Variants in CSMD1 observed in about 807,000 individuals in gnomAD.
CSMD1 encodes CUB and Sushi multiple domains 1, also known as CUB and sushi domain-containing protein 1.
A neutral mutation model predicts 417.5 loss-of-function variants in CSMD1; 213 were observed. The observed-to-expected ratio is 0.51, with a 90% CI of 0.46 to 0.57. The LOEUF (loss-of-function observed/expected upper bound fraction) is 0.57, where lower values mean the gene tolerates loss of function less well. Ranked by LOEUF, CSMD1 falls within the 20% of genes least tolerant of loss-of-function variation. The pLI is 0.00. For missense variants in CSMD1, 6,923 were observed against 4,529.7 expected (o/e 1.53, Z -15.17); for synonymous variants, 2,862 against 1,736.8 (o/e 1.65, Z -16.11).
At chr8:4,169,646 C>A (rs757905167) in intron 3 of CSMD1, among the ~76,000 whole-genome samples, 1 of 152,140 alleles carries the variant, frequency 6.6e-6, no homozygotes, top group Non-Finnish European at 1.5e-5. Context: ...GCTGCAGGGA[C>A]GCCATGAGAG....
At chr8:4,397,800 A>G (rs1324524445) in intron 3 of CSMD1, among the ~76,000 whole-genome samples, 1 of 152,104 alleles carries the variant, frequency 6.6e-6, no homozygotes, top group South Asian at 2.1e-4. Flanking sequence ...TCAATATTAC[A>G]TGCTAATTAT....
At chr8:4,427,203 C>T (rs978976798) in intron 2 of CSMD1, among the ~76,000 whole-genome samples, 4 of 152,114 alleles carry the variant, frequency 2.6e-5, no homozygotes, top group African/African-American at 4.8e-5. Flanking sequence ...GACCATCTAA[C>T]GATTCCTGAG....
intron 4 of CSMD1, among the ~76,000 whole-genome samples, chr8:4,030,427 G>A (rs34941583): frequency 0.12 from 19,016 of 152,232 alleles, 1,480 homozygotes; most frequent in South Asian, 0.23. Flanking sequence ...AGCTGCCAAG[G>A]CTTGAGGCTT....
At chr8:4,320,686 C>A (rs926319090) in intron 3 of CSMD1, among the ~76,000 whole-genome samples, 1 of 152,168 alleles carries the variant, frequency 6.6e-6, no homozygotes, top group South Asian at 2.1e-4. Context: ...AGGACATGAA[C>A]TCATCCTTTT....
chr8:2,944,284 A>T (rs1417041810), intron 68 of CSMD1, among the ~76,000 whole-genome samples: 1 of 152,192 alleles, frequency 6.6e-6, no homozygotes, highest in Non-Finnish European at 1.5e-5. Context: ...GATGGTTTAA[A>T]ATTTGTTCCA....
At chr8:3,562,442 A>ATACACACATGCACACACACGTGCACC (rs1799511811) in intron 10 of CSMD1, among the ~76,000 whole-genome samples, 1 of 51,544 alleles carries the variant, frequency 1.9e-5, no homozygotes, top group African/African-American at 4.5e-5. Context: ...ACACGTGCAC[A>ATACACACATGCACACACACGTGCACC]TACACATACT....
At chr8:4,700,299 G>C (rs1040494244) in intron 1 of CSMD1, among the ~76,000 whole-genome samples, 2 of 151,858 alleles carry the variant, frequency 1.3e-5, no homozygotes, top group South Asian at 4.2e-4. Context: ...ATAAACCAAC[G>C]TGAATGTTTT....
At chr8:3,280,644 A>G (rs1802662510) in intron 26 of CSMD1, among the ~76,000 whole-genome samples, 1 of 152,216 alleles carries the variant, frequency 6.6e-6, no homozygotes, top group Non-Finnish European at 1.5e-5. Context: ...TGAAATTGTC[A>G]ACATTCAATC....
chr8:4,591,188 G>A (rs538171599), intron 2 of CSMD1, among the ~76,000 whole-genome samples: 4 of 152,252 alleles, frequency 2.6e-5, no homozygotes, highest in South Asian at 4.1e-4. Context: ...ATATTATTAG[G>A]TATTGGCTGA....
At chr8:3,304,634 C>T (rs564384546) in intron 25 of CSMD1, among the ~76,000 whole-genome samples, 2 of 152,052 alleles carry the variant, frequency 1.3e-5, no homozygotes, top group Admixed American at 6.6e-5. Flanking sequence ...TAGTGTGTAC[C>T]TCATATTGAA....
chr8:3,786,655 T>A (rs900983960), intron 5 of CSMD1, among the ~76,000 whole-genome samples: 1 of 152,142 alleles, frequency 6.6e-6, no homozygotes, highest in Non-Finnish European at 1.5e-5. Flanking sequence ...CGAGATGCTA[T>A]GATAAAATAC....
chr8:4,723,764 T>C (rs1271556680), intron 1 of CSMD1, among the ~76,000 whole-genome samples: 2 of 123,962 alleles, frequency 1.6e-5, no homozygotes, highest in Non-Finnish European at 3.3e-5. Flanking sequence ...ATCTAAAATG[T>C]AAATGCAATA....
chr8:3,324,024 G>A (rs923252598), intron 23 of CSMD1, among the ~76,000 whole-genome samples: 2 of 148,858 alleles, frequency 1.3e-5, no homozygotes, highest in East Asian at 2.0e-4. Flanking sequence ...CCCAGGAGGG[G>A]GAGTTTCCTT....
intron 10 of CSMD1, among the ~76,000 whole-genome samples, chr8:3,546,314 T>A (rs1303889506): frequency 6.6e-6 from 1 of 151,824 alleles, no homozygotes; most frequent in Admixed American, 6.6e-5. Context: ...GGTGGGGGGA[T>A]CATGAGGTCA....
rs115004024 is a variant in CSMD1 at position 4,011,158 on chromosome 8, T to C, written c.611-13048A>G. On this transcript the variant is annotated intron_variant, in intron 4 of 69. Transcript: ENST00000635120. ...AACCTTCAATTTTGATGCCTACTTA[T>C]AAAATATCTTTCCTGCAAATATTTC... 1.4e-3 allele frequency among the ~76,000 whole-genome samples: 213 copies of C among 152,324 alleles called. 1 individual carries two copies. Among genetic ancestry groups the C allele is most frequent in the African/African-American group, 4.5e-3 (187 of 41,544 alleles).
intron 5 of CSMD1, among the ~76,000 whole-genome samples, chr8:3,915,754 C>A (rs114523835): frequency 6.7e-6 from 1 of 149,746 alleles, no homozygotes; most frequent in Admixed American, 6.7e-5. Flanking sequence ...TGAACTCTCT[C>A]GCTTTCCATT....
intron 1 of CSMD1, among the ~76,000 whole-genome samples, chr8:4,984,084 A>G (rs923815319): frequency 6.6e-6 from 1 of 152,226 alleles, no homozygotes; most frequent in Non-Finnish European, 1.5e-5. Flanking sequence ...AAAAGCATGT[A>G]CAGTACTTAA....
At chr8:3,355,905 C>T (rs1014190756) in intron 21 of CSMD1, among the ~76,000 whole-genome samples, 1 of 152,066 alleles carries the variant, frequency 6.6e-6, no homozygotes, top group Non-Finnish European at 1.5e-5. Context: ...AGGGTTTGAG[C>T]ATTGAGGTTG....
At chr8:4,105,458 C>T (rs1450288549) in intron 3 of CSMD1, among the ~76,000 whole-genome samples, 2 of 152,138 alleles carry the variant, frequency 1.3e-5, no homozygotes, top group African/African-American at 2.4e-5. Flanking sequence ...TGTATTCATT[C>T]AGTAAATAAT....
Sources: gnomAD v4.1 joint callset for allele counts (sites outside exome capture counted in the v4.1 genomes callset) on GRCh38, gnomAD v4.1.1 for gene constraint, MANE v1.5 for transcripts, NCBI Gene and HGNC (gene_info 2026-07-23, HGNC 2026-07-21) for gene names.